CAPZB: variants seen among roughly 807,000 people sequenced by gnomAD.
CAPZB encodes F-actin-capping protein subunit beta.
Under a neutral mutation model 38.1 loss-of-function variants are expected in CAPZB, and 2 were observed. The observed-to-expected ratio is 0.05, with a 90% confidence interval of 0.02 to 0.17. CAPZB has a LOEUF of 0.17. Among genes scored for constraint, CAPZB ranks in the 10% least tolerant of loss-of-function variants. The pLI, the probability that CAPZB is intolerant of heterozygous loss-of-function variation, is 1.00. For missense variants in CAPZB, 161 were observed against 334.2 expected (o/e 0.48, Z 4.04); for synonymous variants, 107 against 127.4 (o/e 0.84, Z 1.08).
chr1:19,450,870 G>T lies in CAPZB; in HGVS notation c.4-31120C>A, dbSNP rs960395918. Among the ~76,000 whole-genome samples, 9 of 152,138 alleles carry T rather than the reference G, an allele frequency of 5.9e-5. No homozygotes were observed. The East Asian group carries it at 1.5e-3, about 26-fold the overall frequency. ...TTGTTTTGGAAAAGACAAGTCAGGA[G>T]CCCACAAAAGGTTATGAAAAACCCC... On this transcript the variant is annotated intron_variant, in intron 1 of 8. Transcript: ENST00000264202.
At chr1:19,377,747 T>C (rs1164141658) in intron 4 of CAPZB, among the ~76,000 whole-genome samples, 1 of 152,278 alleles carries the variant, frequency 6.6e-6, no homozygotes, top group Non-Finnish European at 1.5e-5. Context: ...CTGTTGATTA[T>C]GGCTAACTTT....
rs1016104404 is a variant in CAPZB at position 19,359,301 on chromosome 1, C to T, written c.330-1738G>A. 2.7e-5 allele frequency among the ~76,000 whole-genome samples: 4 copies of T among 147,654 alleles called. No individual in the cohort carries two copies. The Admixed American group carries it at 2.8e-4, about 10-fold the overall frequency. On this transcript the variant is annotated intron_variant, in intron 4 of 8. Transcript: ENST00000264202. ...TGTGAAAAATCAGTACACGAATACA[C>T]CGGAGTGTAATGTAACTAAGAGACC...
chr1:19,484,706 G>A (rs963234186), intron 1 of CAPZB: 41 of 1,090,320 alleles, frequency 3.8e-5, no homozygotes, highest in African/African-American at 5.0e-5. Context: ...GCAGGACCCT[G>A]ATGAGAGGCT....
intron 2 of CAPZB, among the ~76,000 whole-genome samples, chr1:19,410,032 C>A (rs2094350674): frequency 6.6e-6 from 1 of 152,210 alleles, no homozygotes; most frequent in East Asian, 1.9e-4. Context: ...ATTTATTGAA[C>A]AATTATTTTT....
intron 1 of CAPZB, among the ~76,000 whole-genome samples, chr1:19,482,350 G>C (rs923014338): frequency 2.6e-5 from 4 of 152,234 alleles, no homozygotes; most frequent in African/African-American, 9.6e-5. Context: ...TCCACATCAA[G>C]AGACATTAAT....
rs887449994 is a variant in CAPZB, at chr1:19,395,002, C to T, written c.94-9376G>A. ...CAAAAAGGTGAGCGATGACACTCTACAGCCACCGCGCGCCAGGTGCTTTCA... is the reference window on the plus strand; with the variant it reads ...CAAAAAGGTGAGCGATGACACTCTATAGCCACCGCGCGCCAGGTGCTTTCA... On this transcript the variant is annotated intron_variant, in intron 2 of 8. Transcript: ENST00000264202. Among the ~76,000 whole-genome samples the T allele has an allele frequency of 3.5e-4, 54 of 152,302 alleles. 1 individual carries two copies. The highest frequency in any genetic ancestry group is 1.2e-3 in the African/African-American group (51 of 41,568).
At chr1:19,354,965 G>A (rs1466346555) in intron 6 of CAPZB, among the ~76,000 whole-genome samples, 2 of 152,092 alleles carry the variant, frequency 1.3e-5, no homozygotes, top group Admixed American at 6.5e-5. Context: ...AGTGCCCCCT[G>A]TGTGCACTAG....
intron 1 of CAPZB, among the ~76,000 whole-genome samples, chr1:19,479,012 C>T (rs1438470431): frequency 2.0e-5 from 3 of 152,094 alleles, no homozygotes; most frequent in Non-Finnish European, 2.9e-5. Flanking sequence ...CGTTCAAGAC[C>T]AGCCTGGCCA....
At chr1:19,450,778 T>C (rs889580199) in intron 1 of CAPZB, among the ~76,000 whole-genome samples, 6 of 152,206 alleles carry the variant, frequency 3.9e-5, no homozygotes, top group East Asian at 1.9e-4. Context: ...GCAAAATTTA[T>C]ACTTCTGAAG....
chr1:19,467,184 C>T (rs984070513), intron 1 of CAPZB, among the ~76,000 whole-genome samples: 1 of 152,162 alleles, frequency 6.6e-6, no homozygotes, highest in Non-Finnish European at 1.5e-5. Flanking sequence ...CAACTACGGG[C>T]ACTGTGCCCA....
At chr1:19,353,074 G>A (rs572059135) in intron 6 of CAPZB, among the ~76,000 whole-genome samples, 14 of 152,232 alleles carry the variant, frequency 9.2e-5, no homozygotes, top group Non-Finnish European at 1.9e-4. Flanking sequence ...GGGTGCGCCC[G>A]GGGCCACACA....
At chr1:19,450,144 C>CAAAAAAAAAAA (rs71008167) in intron 1 of CAPZB, among the ~76,000 whole-genome samples, 10 of 35,432 alleles carry the variant, frequency 2.8e-4, no homozygotes, top group Admixed American at 4.0e-4. Flanking sequence ...ACCCTGTCTC[C>CAAAAAAAAAAA]AAAAAAAAAA....
chr1:19,347,431 G>T (rs1250322669), intron 6 of CAPZB, among the ~76,000 whole-genome samples: 1 of 152,144 alleles, frequency 6.6e-6, no homozygotes, highest in Non-Finnish European at 1.5e-5. Flanking sequence ...CTGAGAGGAA[G>T]GGCAGGATGG....
At chr1:19,395,503 A>C (rs2094262311) in intron 2 of CAPZB, among the ~76,000 whole-genome samples, 4 of 152,174 alleles carry the variant, frequency 2.6e-5, no homozygotes, top group Admixed American at 2.6e-4. Flanking sequence ...CACAGCCTGG[A>C]AGGGGCCACA....
At chr1:19,386,331 T>G (rs1243130620) in intron 2 of CAPZB, among the ~76,000 whole-genome samples, 1 of 152,142 alleles carries the variant, frequency 6.6e-6, no homozygotes. Flanking sequence ...GCCACTGGCC[T>G]CCTCCTCCCA....
chr1:19,378,624 G>A lies in CAPZB; in HGVS notation c.245C>T (p.Pro82Leu). ...TGACGGCATGGCCCCATCCTCCAAG[G>A]GAGGGTCATACTTGTTACTCCATGG... The part of the protein sequence containing the change: ...RSPWSNKYDP[P>L]LEDGAMPSAR... Residue 82 changes from proline (P) to leucine (L), a missense_variant, in exon 4 of 9, where the codon CCC (proline) becomes CTC (leucine). By Grantham distance (98) the Pro-to-Leu change is moderately conservative. Transcript: ENST00000264202. The A allele has an allele frequency of 6.2e-7, 1 of 1,611,512 alleles. No individual in the cohort carries two copies. Among genetic ancestry groups the A allele is most frequent in the Non-Finnish European group, 8.5e-7 (1 of 1,177,670 alleles).
chr1:19,361,928 G>T (rs1334575773), intron 4 of CAPZB, among the ~76,000 whole-genome samples: 1 of 152,190 alleles, frequency 6.6e-6, no homozygotes, highest in Non-Finnish European at 1.5e-5. Flanking sequence ...CATCGCCAGC[G>T]ACTCACTCTC....
intron 4 of CAPZB, among the ~76,000 whole-genome samples, chr1:19,359,228 T>G: frequency 6.6e-6 from 1 of 150,628 alleles, no homozygotes; most frequent in South Asian, 2.1e-4. Flanking sequence ...TTTTTTTTTT[T>G]TTTTGCAATT....
intron 4 of CAPZB, among the ~76,000 whole-genome samples, chr1:19,358,430 G>T (rs748299059): frequency 1.3e-5 from 2 of 152,172 alleles, no homozygotes; most frequent in African/African-American, 4.8e-5. Flanking sequence ...GAGCCACTGC[G>T]CCTGGCCCAG....
Sources: gnomAD v4.1 joint callset for allele counts (sites outside exome capture counted in the v4.1 genomes callset) on GRCh38, gnomAD v4.1.1 for gene constraint, MANE v1.5 for transcripts, NCBI Gene and HGNC (gene_info 2026-07-23, HGNC 2026-07-21) for gene names.